The following ENTREP2 variants were observed in gnomAD, a reference collection of about 807,000 sequenced individuals.
ENTREP2 encodes endosomal transmembrane epsin interactor 2.
the ENTREP2 span, among the ~76,000 whole-genome samples, chr15:29,445,444 C>T: frequency 6.6e-6 from 1 of 151,980 alleles, no homozygotes; most frequent in East Asian, 1.9e-4. Flanking sequence ...GGAAGAGGGG[C>T]CAAAGGTTGA....
the ENTREP2 span, among the ~76,000 whole-genome samples, chr15:29,213,725 G>A: frequency 6.6e-6 from 1 of 152,054 alleles, no homozygotes; most frequent in Non-Finnish European, 1.5e-5. Context: ...TACTATCACA[G>A]CAAAAGAAAC....
At chr15:29,149,249 A>C in the ENTREP2 span, among the ~76,000 whole-genome samples, 1 of 152,222 alleles carries the variant, frequency 6.6e-6, no homozygotes, top group East Asian at 1.9e-4. Flanking sequence ...TACATTCAGC[A>C]GCACCCCCTT....
the ENTREP2 span, among the ~76,000 whole-genome samples, chr15:29,380,470 C>T: frequency 3.9e-5 from 6 of 152,146 alleles, no homozygotes; most frequent in Non-Finnish European, 7.4e-5. Context: ...AAAAATGCCA[C>T]GCTGTCTTTT....
chr15:29,608,832 G>A, the ENTREP2 span, among the ~76,000 whole-genome samples: 1 of 151,394 alleles, frequency 6.6e-6, no homozygotes, highest in Admixed American at 6.6e-5. Context: ...CTCCTAAAGT[G>A]CTGGGATTAC....
chr15:29,174,204 C>T, the ENTREP2 span, among the ~76,000 whole-genome samples: 4 of 152,208 alleles, frequency 2.6e-5, no homozygotes, highest in Admixed American at 2.6e-4. Flanking sequence ...ATGGGAGACC[C>T]CCTGGGTCAC....
At chr15:29,241,943 G>A in the ENTREP2 span, among the ~76,000 whole-genome samples, 9 of 152,146 alleles carry the variant, frequency 5.9e-5, no homozygotes, top group Non-Finnish European at 1.0e-4. Flanking sequence ...GCCTGGAAGA[G>A]TGAGGTGGGA....
the ENTREP2 span, among the ~76,000 whole-genome samples, chr15:29,345,687 C>T: frequency 1.3e-5 from 2 of 151,968 alleles, no homozygotes; most frequent in African/African-American, 4.8e-5. Context: ...TTCTCCTGCC[C>T]CACATCCCCC....
the ENTREP2 span, among the ~76,000 whole-genome samples, chr15:29,127,351 G>C: frequency 1.3e-5 from 2 of 152,142 alleles, no homozygotes; most frequent in Admixed American, 6.5e-5. Flanking sequence ...CCTGCATGGG[G>C]GACACTTCAT....
At chr15:29,504,431 A>G in the ENTREP2 span, among the ~76,000 whole-genome samples, 8 of 152,246 alleles carry the variant, frequency 5.3e-5, no homozygotes, top group African/African-American at 1.7e-4. Flanking sequence ...ACATGCACAC[A>G]AGTACTACAT....
the ENTREP2 span, among the ~76,000 whole-genome samples, chr15:29,118,553 G>A: frequency 6.6e-6 from 1 of 152,244 alleles, no homozygotes; most frequent in African/African-American, 2.4e-5. Flanking sequence ...AATGCTACCA[G>A]GTCACGGGGT....
the ENTREP2 span, among the ~76,000 whole-genome samples, chr15:29,290,514 T>A: frequency 6.6e-6 from 1 of 152,188 alleles, no homozygotes; most frequent in East Asian, 1.9e-4. Flanking sequence ...TATCTGCCCA[T>A]TCTGTATGAT....
the ENTREP2 span, among the ~76,000 whole-genome samples, chr15:29,368,337 A>AAAAATATATATATAT: frequency 1.4e-5 from 2 of 146,102 alleles, no homozygotes; most frequent in Non-Finnish European, 3.0e-5. Flanking sequence ...CAAAAAAAAA[A>AAAAATATATATATAT]ATATATATAT....
At chr15:29,621,841 A>G in the ENTREP2 span, among the ~76,000 whole-genome samples, 2 of 152,228 alleles carry the variant, frequency 1.3e-5, no homozygotes, top group African/African-American at 4.8e-5. Context: ...ATTCACATTA[A>G]CCAAAAAGTG....
the ENTREP2 span, among the ~76,000 whole-genome samples, chr15:29,316,434 G>A: frequency 2.0e-5 from 3 of 152,200 alleles, no homozygotes; most frequent in Admixed American, 1.3e-4. Context: ...TGAGGTATTT[G>A]ATGATAAACC....
At chr15:29,357,238 A>G in the ENTREP2 span, among the ~76,000 whole-genome samples, 1 of 152,096 alleles carries the variant, frequency 6.6e-6, no homozygotes, top group African/African-American at 2.4e-5. Flanking sequence ...GTAGGGGAGA[A>G]AAAAAAAGAA....
chr15:29,491,853 C>A, the ENTREP2 span, among the ~76,000 whole-genome samples: 1 of 152,158 alleles, frequency 6.6e-6, no homozygotes, highest in Non-Finnish European at 1.5e-5. Context: ...TTAGAGAATT[C>A]ACAACCACAC....
chr15:29,166,211 C>T, the ENTREP2 span, among the ~76,000 whole-genome samples: 28 of 152,052 alleles, frequency 1.8e-4, no homozygotes, highest in Non-Finnish European at 2.9e-4. Context: ...CCACAGGCAA[C>T]ATAATACTGA....
the ENTREP2 span, among the ~76,000 whole-genome samples, chr15:29,424,014 C>T: frequency 2.6e-5 from 4 of 152,288 alleles, no homozygotes; most frequent in Admixed American, 2.6e-4. Flanking sequence ...TGGACCCTCA[C>T]GGTGAGTGTC....
the ENTREP2 span, among the ~76,000 whole-genome samples, chr15:29,505,963 C>G: frequency 6.6e-5 from 10 of 152,014 alleles, no homozygotes; most frequent in Admixed American, 2.6e-4. This position sits in a 1 kb window ranked among gnomAD's most constrained non-coding sequence, Gnocchi z 4.3. Flanking sequence ...ACAAACTCCT[C>G]CTAGCTAAGG....
Sources: gnomAD v4.1 joint callset for allele counts (sites outside exome capture counted in the v4.1 genomes callset) on GRCh38, gnomAD v4.1.1 for gene constraint, Gnocchi (gnomAD v3.1) non-coding constraint, MANE v1.5 for transcripts, NCBI Gene and HGNC (gene_info 2026-07-23, HGNC 2026-07-21) for gene names.